NUDCD1: variants seen among roughly 807,000 people sequenced by gnomAD.
NUDCD1 encodes the protein NudC domain containing 1, also known as nudC domain-containing protein 1.
Under a neutral mutation model 67.8 loss-of-function variants are expected in NUDCD1, and 60 were observed. That is an observed-to-expected ratio of 0.88 (90% CI 0.72 to 1.10). The LOEUF (loss-of-function observed/expected upper bound fraction) is 1.10, where lower values mean the gene tolerates loss of function less well. NUDCD1 is among the 50% of genes least tolerant of loss of function. NUDCD1 has a pLI of 0.00. For synonymous variants in NUDCD1, 244 were observed against 230.8 expected (o/e 1.06, Z -0.52); for missense variants, 643 against 695.0 (o/e 0.93, Z 0.84).
intron 2 of NUDCD1, among the ~76,000 whole-genome samples, chr8:109,318,511 A>G (rs1443394274): frequency 2.0e-5 from 3 of 152,192 alleles, no homozygotes; most frequent in Non-Finnish European, 2.9e-5. Context: ...TGCATGTCCT[A>G]TCACTTTAGT....
rs1276583225 is a variant in NUDCD1, at chr8:109,243,081, C to T, written c.1680G>A (p.Gln560=). The stretch of plus-strand genomic sequence containing the variant: ...GAACAAATAATCTCTCATTTGTTGC[C>T]TGAAATCCTAAAATAGGATCATTGG... ...LETNDPILGF[Q]ATNERLFVLT... Residue 560 remains glutamine, a synonymous_variant, in exon 10 of 10, where the codon CAG becomes CAA. Transcript: ENST00000239690. The T allele has an allele frequency of 1.2e-6, 2 of 1,612,774 alleles. No individual in the cohort carries two copies. Among genetic ancestry groups the T allele is most frequent in the South Asian group, 2.2e-5 (2 of 91,030 alleles).
intron 8 of NUDCD1, among the ~76,000 whole-genome samples, chr8:109,259,123 A>AT (rs1389215591): frequency 2.6e-5 from 4 of 152,238 alleles, no homozygotes; most frequent in Non-Finnish European, 4.4e-5. Context: ...TATTTCAAGG[A>AT]TGTTTGTAAA....
At chr8:109,312,043 C>G (rs1363394254) in intron 2 of NUDCD1, among the ~76,000 whole-genome samples, 1 of 152,052 alleles carries the variant, frequency 6.6e-6, no homozygotes, top group African/African-American at 2.4e-5. Context: ...TGGCTCATGC[C>G]TATAATCTCA....
At chr8:109,298,251 C>T (rs2926265) in intron 2 of NUDCD1, among the ~76,000 whole-genome samples, 96,858 of 152,038 alleles carry the variant, frequency 0.64, 32,322 homozygotes, top group African/African-American at 0.84. Context: ...TAGTAAACAT[C>T]AAGCTTACTG....
chr8:109,248,732 A>G (rs1030032989), intron 8 of NUDCD1, among the ~76,000 whole-genome samples: 1 of 150,834 alleles, frequency 6.6e-6, no homozygotes, highest in Non-Finnish European at 1.5e-5. Context: ...AAAAAAAAAA[A>G]GGTCCACATT....
chr8:109,254,734 G>A (rs79217872), intron 8 of NUDCD1, among the ~76,000 whole-genome samples: 3,699 of 152,028 alleles, frequency 0.024, 140 homozygotes, highest in African/African-American at 0.084. Flanking sequence ...AAAGACTACT[G>A]AAGATTAAAT....
At chr8:109,317,947 A>T (rs1317982810) in intron 2 of NUDCD1, among the ~76,000 whole-genome samples, 1 of 152,208 alleles carries the variant, frequency 6.6e-6, no homozygotes, top group Non-Finnish European at 1.5e-5. Flanking sequence ...CTGTACACTC[A>T]TATTAGCACC....
rs188507665 is a variant in NUDCD1, at chr8:109,270,235, C to A, written c.1299+770G>T. Among the ~76,000 whole-genome samples, 272 of 151,166 alleles carry A rather than the reference C, an allele frequency of 1.8e-3. 1 individual carries two copies. Among genetic ancestry groups the A allele is most frequent in the African/African-American group, 6.3e-3 (261 of 41,240 alleles). ...ACTCACTTGATATAGAAGCATTATT[C>A]AAATTTAAAACACATCATACAAATT... On this transcript the variant is annotated intron_variant, in intron 8 of 9. Transcript: ENST00000239690.
chr8:109,280,644 TA>T (rs1293646643), intron 6 of NUDCD1, among the ~76,000 whole-genome samples: 1 of 152,112 alleles, frequency 6.6e-6, no homozygotes, highest in East Asian at 1.9e-4. Flanking sequence ...GCCAGCAAAC[TA>T]AAGTTAAAAA....
At chr8:109,306,593 G>T (rs1254744562) in intron 2 of NUDCD1, among the ~76,000 whole-genome samples, 1 of 151,566 alleles carries the variant, frequency 6.6e-6, no homozygotes, top group Admixed American at 6.6e-5. Flanking sequence ...CAAGGATAGA[G>T]TCCAAAAACT....
At chr8:109,278,803 CTA>C (rs1006243749) in intron 6 of NUDCD1, among the ~76,000 whole-genome samples, 3 of 152,178 alleles carry the variant, frequency 2.0e-5, no homozygotes, top group African/African-American at 7.2e-5. Flanking sequence ...TTCAGTAACA[CTA>C]GAGATATTTC....
intron 2 of NUDCD1, among the ~76,000 whole-genome samples, chr8:109,306,570 T>TA (rs372844823): frequency 4.6e-4 from 67 of 146,256 alleles, no homozygotes; most frequent in South Asian, 2.2e-3. Context: ...TATGACAACA[T>TA]AAAAAAAAAA....
At chr8:109,270,523 C>G (rs527390828) in intron 8 of NUDCD1, among the ~76,000 whole-genome samples, 2 of 151,916 alleles carry the variant, frequency 1.3e-5, no homozygotes, top group Admixed American at 1.3e-4. Flanking sequence ...ATAAATATCC[C>G]TGGAAATAGA....
intron 3 of NUDCD1, among the ~76,000 whole-genome samples, chr8:109,295,825 C>G (rs1814830038): frequency 6.6e-6 from 1 of 151,998 alleles, no homozygotes; most frequent in Non-Finnish European, 1.5e-5. Context: ...AACTGTAGTT[C>G]TAGAGAAATT....
intron 8 of NUDCD1, among the ~76,000 whole-genome samples, chr8:109,256,129 T>C (rs1334792848): frequency 6.6e-6 from 1 of 152,192 alleles, no homozygotes; most frequent in Non-Finnish European, 1.5e-5. Context: ...GGAAGACTGC[T>C]TGATCCTGGG....
At chr8:109,304,867 A>T (rs1169950386) in intron 2 of NUDCD1, among the ~76,000 whole-genome samples, 1 of 151,980 alleles carries the variant, frequency 6.6e-6, no homozygotes, top group Non-Finnish European at 1.5e-5. Flanking sequence ...CACTCCCACC[A>T]ACTCCCCCAC....
chr8:109,251,963 AAT>A (rs1292563226), intron 8 of NUDCD1, among the ~76,000 whole-genome samples: 1 of 152,106 alleles, frequency 6.6e-6, no homozygotes, highest in Non-Finnish European at 1.5e-5. Flanking sequence ...TTCAATACAA[AAT>A]ATGTTTTAAC....
At chr8:109,306,629 G>GA (rs1032800672) in intron 2 of NUDCD1, among the ~76,000 whole-genome samples, 4 of 127,224 alleles carry the variant, frequency 3.1e-5, no homozygotes, top group Admixed American at 2.6e-4. Context: ...TAATTATGTT[G>GA]AACCCCCCCC....
At chr8:109,287,286 G>A (rs565397864) in intron 5 of NUDCD1, among the ~76,000 whole-genome samples, 1 of 152,170 alleles carries the variant, frequency 6.6e-6, no homozygotes, top group Admixed American at 6.6e-5. Flanking sequence ...TCAATAGTGG[G>A]TATATATATA....
Sources: allele counts gnomAD v4.1 joint callset (sites outside exome capture counted in the v4.1 genomes callset), GRCh38; gene constraint gnomAD v4.1.1; transcripts MANE v1.5; gene names NCBI Gene and HGNC (gene_info 2026-07-23, HGNC 2026-07-21).